ALDOB: variants seen among roughly 807,000 people sequenced by gnomAD.
ALDOB encodes the protein aldolase, fructose-bisphosphate B, also known as fructose-bisphosphate aldolase B.
A neutral mutation model predicts 41.0 loss-of-function variants in ALDOB; 39 were observed. The observed-to-expected ratio is 0.95, with a 90% confidence interval of 0.74 to 1.24. ALDOB has a LOEUF of 1.24. Ranked by LOEUF, ALDOB falls within the 50% of genes most tolerant of loss-of-function variation. The pLI is 0.00. For synonymous variants in ALDOB, 175 were observed against 168.8 expected, an observed-to-expected ratio of 1.04 and a Z score of -0.28; for missense variants, 530 against 457.3, an observed-to-expected ratio of 1.16 and a Z score of -1.45.
intron 4 of ALDOB, among the ~76,000 whole-genome samples, chr9:101,428,214 G>T (rs970431538): frequency 6.6e-6 from 1 of 152,180 alleles, no homozygotes; most frequent in Non-Finnish European, 1.5e-5. Flanking sequence ...AGCACCTTAT[G>T]TACATTGTCT....
At chr9:101,427,412 T>C (rs1831146897) in intron 5 of ALDOB, 70 bp downstream of exon 5, 7 of 1,573,866 alleles carry the variant, frequency 4.4e-6, no homozygotes, top group South Asian at 3.4e-5. Flanking sequence ...AGTTATAGTA[T>C]AATTGAAAAG....
At chr9:101,433,144 A>G (rs1831243816) in intron 1 of ALDOB, among the ~76,000 whole-genome samples, 1 of 152,196 alleles carries the variant, frequency 6.6e-6, no homozygotes, top group African/African-American at 2.4e-5. Context: ...TGCTCAAAAT[A>G]TATTTGTTAA....
chr9:101,421,658 A>AT lies in ALDOB; in HGVS notation c.*150dup, dbSNP rs200345626. The AT allele has an allele frequency of 1.4e-5, 10 of 733,816 alleles. No individual in the cohort carries two copies. Among genetic ancestry groups the AT allele is most frequent in the Non-Finnish European group, 2.0e-5 (8 of 403,310 alleles). The allele number at this position is 733,816 out of a possible 1,614,324, so 45.5% of individuals were successfully genotyped here. On this transcript the variant is annotated 3_prime_UTR_variant, in exon 9 of 9. Transcript: ENST00000647789. Reference sequence around the variant, plus strand: ...ATTTTTATGTTTCAATAACTGATTTATTTTTTCCCCCTTGTACTTAAGATT... The same window carrying AT: ...ATTTTTATGTTTCAATAACTGATTTATTTTTTTCCCCCTTGTACTTAAGATT...
intron 8 of ALDOB, 57 bp from the exon 9 acceptor site, chr9:101,421,961 C>A: frequency 5.6e-6 from 8 of 1,419,282 alleles, no homozygotes; most frequent in Non-Finnish European, 7.9e-6. Flanking sequence ...CCCACCTTGA[C>A]CCTGTCTGCC....
intron 8 of ALDOB, among the ~76,000 whole-genome samples, chr9:101,422,810 C>T (rs1486358227): frequency 1.3e-5 from 2 of 151,930 alleles, no homozygotes; most frequent in African/African-American, 2.4e-5. Flanking sequence ...GAGTGAATAC[C>T]CTAATTATCC....
chr9:101,433,850 G>T (rs759725736), intron 1 of ALDOB, among the ~76,000 whole-genome samples: 5 of 151,926 alleles, frequency 3.3e-5, no homozygotes, highest in Admixed American at 6.6e-5. Context: ...ACTCACTGAA[G>T]CCTCGTCCTC....
intron 1 of ALDOB, among the ~76,000 whole-genome samples, chr9:101,431,876 C>A (rs528753280): frequency 6.6e-6 from 1 of 152,290 alleles, no homozygotes; most frequent in South Asian, 2.1e-4. Flanking sequence ...ACACTCAGCA[C>A]AGGGTGGATG....
intron 1 of ALDOB, among the ~76,000 whole-genome samples, chr9:101,431,360 T>A (rs1588172947): frequency 6.6e-6 from 1 of 152,344 alleles, no homozygotes; most frequent in African/African-American, 2.4e-5. Flanking sequence ...AACAGATTAT[T>A]CTCCAGGAAA....
chr9:101,425,222 T>C (rs1831107742), intron 7 of ALDOB, among the ~76,000 whole-genome samples, 180 bp from the exon 8 acceptor site: 1 of 152,208 alleles, frequency 6.6e-6, no homozygotes, highest in Non-Finnish European at 1.5e-5. Context: ...AGATAAGTGC[T>C]TTAAATACGT....
intron 1 of ALDOB, among the ~76,000 whole-genome samples, chr9:101,433,662 T>G (rs1213631520): frequency 1.3e-5 from 2 of 152,222 alleles, no homozygotes; most frequent in African/African-American, 4.8e-5. Context: ...AAATGATATA[T>G]ACCCATACTG....
rs1395244536 is a variant in ALDOB at position 101,421,800 on chromosome 9, C to G, written c.*9G>C. ...GAAGCACTGGAGCTAGGCTGGCGGG[C>G]ATTGGACCCTAGTAGGTATAGCAGG... On this transcript the variant is annotated 3_prime_UTR_variant, in exon 9 of 9. Coordinates refer to ENST00000647789, the MANE Select transcript of ALDOB (RefSeq NM_000035.4). 6.2e-7 allele frequency: 1 copy of G among 1,612,972 alleles called. No homozygotes were observed. The highest frequency in any genetic ancestry group is 8.5e-7 in the Non-Finnish European group (1 of 1,179,330).
rs375679562 is a variant in ALDOB, at chr9:101,429,855, C to T, written c.224G>A (p.Gly75Glu). 2.5e-6 allele frequency: 4 copies of T among 1,614,074 alleles called. No individual in the cohort carries two copies. In the Admixed American group the frequency reaches 5.0e-5, roughly 20 times the overall value. The change falls in exon 3 of 9, where the codon GGG becomes GAG. Residue 75 changes from glycine to glutamate, a missense_variant. By Grantham distance (98) the Gly-to-Glu change is moderately conservative. Coordinates refer to ENST00000647789, the MANE Select transcript of ALDOB (RefSeq NM_000035.4). ...SVDSSINQSIGGVILFHETLY... is the reference protein window; with the variant it reads ...SVDSSINQSIEGVILFHETLY... ...GGTCTCGTGGAAAAGGATCACACCC[C>T]CGATGCTCTGGTTGATGGAACTGTC... is the stretch of plus-strand genomic sequence containing the variant.
At chr9:101,426,690 T>C (rs1172336067) in intron 5 of ALDOB, 52 bp from the exon 6 acceptor site, 1 of 1,126,000 alleles carries the variant, frequency 8.9e-7, no homozygotes, top group Non-Finnish European at 1.4e-6. Context: ...ACTGTTATCC[T>C]TTCCTTAGGA....
Position 101,426,580 on chromosome 9 carries a change from T to C in ALDOB, c.599A>G (p.Glu200Gly), listed in dbSNP as rs1564077843. The C allele has an allele frequency of 1.9e-6, 3 of 1,612,470 alleles. No individual in the cohort carries two copies. The African/African-American group carries it at 4.0e-5, about 21-fold the overall frequency. ...CTTCTCAGTAACATACTGGCAGTGT[T>C]CCAGGTCATGGTCTCCATCAGGAAT... ...EVIPDGDHDL[E>G]HCQYVTEKVL... Residue 200 changes from glutamate (E) to glycine (G), a missense_variant, in exon 6 of 9, where the codon GAA becomes GGA. Physicochemically the swap from Glu to Gly is moderately conservative, Grantham distance 98. Coordinates refer to ENST00000647789, the MANE Select transcript of ALDOB (RefSeq NM_000035.4).
At chr9:101,424,441 A>C (rs891652773) in intron 8 of ALDOB, among the ~76,000 whole-genome samples, 2 of 152,038 alleles carry the variant, frequency 1.3e-5, no homozygotes, top group African/African-American at 4.8e-5. Context: ...CAAACAAACA[A>C]ATAAACATGA....
Position 101,427,505 on chromosome 9 carries a change from G to C in ALDOB, c.517C>G (p.Arg173Gly). 6.2e-7 allele frequency: 1 copy of C among 1,614,144 alleles called. No individual in the cohort carries two copies. The highest frequency in any genetic ancestry group is 8.5e-7 in the Non-Finnish European group (1 of 1,180,026). Reference protein sequence around the residue: ...AIQENANALARYASICQQNGL... With the variant: ...AIQENANALAGYASICQQNGL... ...ACCTGCTGACAGATGCTGGCGTAGCGAGCCAGGGCGTTGGCGTTTTCCTGG... is the reference window on the plus strand; with the variant it reads ...ACCTGCTGACAGATGCTGGCGTAGCCAGCCAGGGCGTTGGCGTTTTCCTGG... Residue 173 changes from arginine to glycine, a missense_variant, in exon 5 of 9, where the codon CGC becomes GGC. Transcript: ENST00000647789.
Position 101,421,865 on chromosome 9 carries a change from C to T in ALDOB, c.1039G>A (p.Gly347Ser). 1 of 1,614,074 alleles carries T rather than the reference C, an allele frequency of 6.2e-7. No individual in the cohort carries two copies. Among genetic ancestry groups the T allele is most frequent in the Non-Finnish European group, 8.5e-7 (1 of 1,180,014 alleles). ...QAAKGQYVHT[G>S]SSGAASTQSL... ...TGGGTGGAAGCAGCCCCAGAAGAAC[C>T]CGTGTGAACATACTGTCCTTTGGCC... Residue 347 changes from glycine to serine, a missense_variant, in exon 9 of 9, where the codon GGT (glycine) becomes AGT (serine). Physicochemically the swap from Gly to Ser is moderately conservative, Grantham distance 56. Coordinates refer to ENST00000647789, the MANE Select transcript of ALDOB (RefSeq NM_000035.4).
chr9:101,430,248 T>C (rs1831198110), intron 2 of ALDOB, among the ~76,000 whole-genome samples: 1 of 152,110 alleles, frequency 6.6e-6, no homozygotes, highest in African/African-American at 2.4e-5. Flanking sequence ...CTAGCCTCCC[T>C]GATCTGGTCC....
chr9:101,430,674 A>T, intron 2 of ALDOB, 102 bp downstream of exon 2: 5 of 929,042 alleles, frequency 5.4e-6, no homozygotes, highest in Non-Finnish European at 8.6e-6. Flanking sequence ...TCCCGTGTAC[A>T]TAAACCTTTA....
Sources: gnomAD v4.1 joint callset for allele counts (sites outside exome capture counted in the v4.1 genomes callset) on GRCh38, gnomAD v4.1.1 for gene constraint, MANE v1.5 for transcripts, NCBI Gene and HGNC (gene_info 2026-07-23, HGNC 2026-07-21) for gene names.